Variants in TAP1 observed in about 807,000 individuals in gnomAD.
The protein encoded by TAP1 is transporter 1, ATP binding cassette subfamily B member.
A neutral mutation model predicts 79.3 loss-of-function variants in TAP1; 56 were observed. The ratio of observed to expected loss-of-function variants is 0.71; its 90% CI spans 0.57 to 0.88. The LOEUF is 0.88. TAP1 is among the 40% of genes least tolerant of loss of function. The pLI, the probability that TAP1 is intolerant of heterozygous loss-of-function variation, is 0.00. For synonymous variants in TAP1, 355 were observed against 401.4 expected, an observed-to-expected ratio of 0.88 and a Z score of 1.38; for missense variants, 737 against 936.3, an observed-to-expected ratio of 0.79 and a Z score of 2.78.
At position 32,845,439 on chromosome 6, in the gene TAP1, A is replaced by C; in HGVS notation, c.*140T>G. The C allele has an allele frequency of 1.3e-6, 1 of 797,336 alleles. No individual in the cohort carries two copies. The highest frequency in any genetic ancestry group is 2.1e-6 in the Non-Finnish European group (1 of 467,636). The allele number at this position is 797,336 out of a possible 1,614,324, so 49.4% of individuals were successfully genotyped here. ...CCAGGAAGTCTGCATTATCACGAGG[A>C]GCTTGGAAAGGAGGTAACACACTCA... On this transcript the variant is annotated 3_prime_UTR_variant, in exon 11 of 11. Transcript: ENST00000354258. The surrounding 1 kb of genome is among the most constrained non-coding windows in gnomAD (Gnocchi z 4.5).
In TAP1 at chr6:32,852,829, C is replaced by T. The variant is rs894849479; in HGVS notation, c.598+210G>A. ...TCCGGCGTGGCCCAAAGAATCAAGACCCGGTCAGCAATGGAGCCCAGAACC... is the reference window on the plus strand; with the variant it reads ...TCCGGCGTGGCCCAAAGAATCAAGATCCGGTCAGCAATGGAGCCCAGAACC... On this transcript the variant is annotated intron_variant, in intron 1 of 10. Transcript: ENST00000354258. The surrounding 1 kb of genome is among the most constrained non-coding windows in gnomAD (Gnocchi z 4.8). 22 of 1,440,814 alleles carry T rather than the reference C, an allele frequency of 1.5e-5. No homozygotes were observed. Among genetic ancestry groups the T allele is most frequent in the Non-Finnish European group, 1.8e-5 (20 of 1,105,586 alleles). 89.3% of individuals were successfully genotyped at this position (1,440,814 alleles called of 1,614,324 possible).
chr6:32,846,951 G>A, intron 10 of TAP1, 117 bp downstream of exon 10: 1 of 1,508,254 alleles, frequency 6.6e-7, no homozygotes, highest in Non-Finnish European at 9.1e-7. Context: ...CTGGATTTGG[G>A]AACTGAGAAC....
chr6:32,853,478 T>G lies in TAP1; in HGVS notation c.159A>C (p.Pro53=). The G allele has an allele frequency of 6.2e-7, 1 of 1,610,168 alleles. No individual in the cohort carries two copies. The highest frequency in any genetic ancestry group is 8.5e-7 in the Non-Finnish European group (1 of 1,178,074). ...GGCCCACCGCCCAGACCCGGAGCAGTGGCAGCGCGGTGGGCACCAGCAGGG... is the reference window on the plus strand; with the variant it reads ...GGCCCACCGCCCAGACCCGGAGCAGGGGCAGCGCGGTGGGCACCAGCAGGG... ...IFSLLVPTAL[P]LLRVWAVGLS... is the part of the protein sequence containing the mutation. Residue 53 remains proline (P), a synonymous_variant, in exon 1 of 11, where the codon CCA becomes CCC. Coordinates refer to ENST00000354258, the MANE Select transcript of TAP1 (RefSeq NM_000593.6). This position sits in a 1 kb window ranked among gnomAD's most constrained non-coding sequence, Gnocchi z 8.3.
In TAP1 at chr6:32,850,982, G is replaced by A; in HGVS notation, c.1012C>T (p.Leu338Phe). ...CCCACCTTCTTGGGCAGAAGGAAAA[G>A]CAGAGGCAGGGTGATCAGGGTGACC... Reference protein sequence around the residue: ...TMVTLITLPLLFLLPKKVGKW... With the variant: ...TMVTLITLPLFFLLPKKVGKW... Residue 338 changes from leucine (L) to phenylalanine (F), a missense_variant, in exon 4 of 11, where the codon CTT becomes TTT. Leu to Phe is a conservative substitution (Grantham distance 22, BLOSUM62 0). This residue lies in a region of TAP1 where 406 missense variants were observed against 477.2 expected (regional missense o/e 0.85). Coordinates refer to ENST00000354258, the MANE Select transcript of TAP1 (RefSeq NM_000593.6). This position sits in a 1 kb window ranked among gnomAD's most constrained non-coding sequence, Gnocchi z 5.5. 1 of 1,613,032 alleles carries A rather than the reference G, an allele frequency of 6.2e-7. No individual in the cohort carries two copies. Among genetic ancestry groups the A allele is most frequent in the South Asian group, 1.1e-5 (1 of 91,082 alleles).
rs2228109 is a variant in TAP1 at position 32,853,049 on chromosome 6, G to C, written c.588C>G (p.Leu196=). Residue 196 remains leucine, a synonymous_variant, in exon 1 of 11, where the codon CTC becomes CTG. Coordinates refer to ENST00000354258, the MANE Select transcript of TAP1 (RefSeq NM_000593.6). The surrounding 1 kb of genome is among the most constrained non-coding windows in gnomAD (Gnocchi z 8.3). The part of the protein sequence containing the change: ...RLSLFLVLVV[L]SSLGEMAIPF... Reference sequence around the variant, plus strand: ...CTGCGTTCCCCTTACCAAGAGAGGAGAGGACCACCAGGACCAGGAACAGCG... The same window carrying C: ...CTGCGTTCCCCTTACCAAGAGAGGACAGGACCACCAGGACCAGGAACAGCG... 1.0e-4 allele frequency: 165 copies of C among 1,612,328 alleles called. No homozygotes were observed. In the African/African-American group the frequency reaches 2.0e-3, roughly 20 times the overall value.
In TAP1 at chr6:32,852,960, C is replaced by T; in HGVS notation, c.598+79G>A. 1.3e-6 allele frequency: 2 copies of T among 1,530,096 alleles called. No homozygotes were observed. The highest frequency in any genetic ancestry group is 2.4e-5 in the South Asian group (2 of 83,452). 94.8% of individuals were successfully genotyped at this position (1,530,096 alleles called of 1,614,324 possible). A position where few individuals can be genotyped will look rare whatever the true frequency, so the allele number is the denominator to read the frequency against. Reference sequence around the variant, plus strand: ...TCCACATTTCCCAGAACCCACGCTACTCTACCTTACTGACAATTACCTTTG... The same window carrying T: ...TCCACATTTCCCAGAACCCACGCTATTCTACCTTACTGACAATTACCTTTG... On this transcript the variant is annotated intron_variant, in intron 1 of 10. Transcript: ENST00000354258. The surrounding 1 kb of genome is among the most constrained non-coding windows in gnomAD (Gnocchi z 4.8).
In TAP1 at chr6:32,851,967, G is replaced by T; in HGVS notation, c.844+142C>A. 9.5e-7 allele frequency: 1 copy of T among 1,053,960 alleles called. No individual in the cohort carries two copies. Among genetic ancestry groups the T allele is most frequent in the East Asian group, 2.5e-5 (1 of 39,592 alleles). The allele number at this position is 1,053,960 out of a possible 1,614,324, so 65.3% of individuals were successfully genotyped here. A position where few individuals can be genotyped will look rare whatever the true frequency, so the allele number is the denominator to read the frequency against. ...AGACAGAGACAGAGAGAGAGAGACA[G>T]GGAGAGGGTATATCAAGAATGAGAA... On this transcript the variant is annotated intron_variant, in intron 3 of 10. Transcript: ENST00000354258. The surrounding 1 kb of genome is among the most constrained non-coding windows in gnomAD (Gnocchi z 4.8).
rs1554246364 is a variant in TAP1 at position 32,851,924 on chromosome 6, T to TGTGTGTGAGAGAGA, written c.844+184_844+185insTCTCTCTCACACAC. 1.6e-4 allele frequency among the ~76,000 whole-genome samples: 23 copies of TGTGTGTGAGAGAGA among 147,436 alleles called. No homozygotes were observed. Among genetic ancestry groups the TGTGTGTGAGAGAGA allele is most frequent in the Non-Finnish European group, 2.2e-4 (15 of 66,856 alleles). ...AAAAACAATTGTGTGTGTGTGTGTG[T>TGTGTGTGAGAGAGA]GAGAGAGAGAGAGAGAGAGACAGAG... On this transcript the variant is annotated intron_variant, in intron 3 of 10. Coordinates refer to ENST00000354258, the MANE Select transcript of TAP1 (RefSeq NM_000593.6). This position sits in a 1 kb window ranked among gnomAD's most constrained non-coding sequence, Gnocchi z 4.8.
chr6:32,852,431 A>G lies in TAP1; in HGVS notation c.670T>C (p.Phe224Leu). Reference sequence around the variant, plus strand: ...GACATGAGAGTTAAGTTTCGAGTGAAGGTATCGGCTGAGCCATCTTGTAGA... The same window carrying G: ...GACATGAGAGTTAAGTTTCGAGTGAGGGTATCGGCTGAGCCATCTTGTAGA... ...WILQDGSADT[F>L]TRNLTLMSIL... Residue 224 changes from phenylalanine to leucine, a missense_variant, in exon 2 of 11, where the codon TTC becomes CTC. Phe to Leu is a conservative substitution (Grantham distance 22). Transcript: ENST00000354258. The surrounding 1 kb of genome is among the most constrained non-coding windows in gnomAD (Gnocchi z 4.8). 6.2e-7 allele frequency: 1 copy of G among 1,613,098 alleles called. No individual in the cohort carries two copies. The highest frequency in any genetic ancestry group is 8.5e-7 in the Non-Finnish European group (1 of 1,180,046).
rs1379636319 is a variant in TAP1, at chr6:32,851,621, CTG to C, written c.845-474_845-473del. 3.9e-5 allele frequency among the ~76,000 whole-genome samples: 6 copies of C among 152,168 alleles called. No individual in the cohort carries two copies. The highest frequency in any genetic ancestry group is 8.8e-5 in the Non-Finnish European group (6 of 68,018). On this transcript the variant is annotated intron_variant, in intron 3 of 10. Transcript: ENST00000354258. The surrounding 1 kb of genome is among the most constrained non-coding windows in gnomAD (Gnocchi z 4.8). The stretch of plus-strand genomic sequence containing the variant: ...GTGCTGCTAGAAAGCATGCCGAAGT[CTG>C]TGGAGCACTCAAGAGACCAGGGTTC...
Position 32,852,304 on chromosome 6 carries a change from T to C in TAP1, c.714-65A>G. The C allele has an allele frequency of 6.2e-7, 1 of 1,612,846 alleles. No homozygotes were observed. The highest frequency in any genetic ancestry group is 8.5e-7 in the Non-Finnish European group (1 of 1,179,944). ...CAGGGAACAGACTGAAGGTCCCAGG[T>C]ATCCCCATATAAGTGCATTTCGGAC... On this transcript the variant is annotated intron_variant, in intron 2 of 10. Coordinates refer to ENST00000354258, the MANE Select transcript of TAP1 (RefSeq NM_000593.6). The surrounding 1 kb of genome is among the most constrained non-coding windows in gnomAD (Gnocchi z 4.8).
At chr6:32,846,688 G>A (rs1372034383) in intron 10 of TAP1, among the ~76,000 whole-genome samples, 2 of 151,880 alleles carry the variant, frequency 1.3e-5, no homozygotes, top group East Asian at 1.9e-4. Context: ...GCATAGTGGT[G>A]TACACCTGTA....
chr6:32,847,484 C>G lies in TAP1; in HGVS notation c.1903+29G>C, dbSNP rs753580861. 1.9e-6 allele frequency: 3 copies of G among 1,612,848 alleles called. No homozygotes were observed. In the South Asian group the frequency reaches 3.3e-5, roughly 18 times the overall value. ...GGGGTTTCAGCAAAGGTAAAGATGG[C>G]TGGGTGGTGAGATGAGTGGAGAGAG... On this transcript the variant is annotated intron_variant, in intron 9 of 10. Coordinates refer to ENST00000354258, the MANE Select transcript of TAP1 (RefSeq NM_000593.6). The surrounding 1 kb of genome is among the most constrained non-coding windows in gnomAD (Gnocchi z 4.7).
chr6:32,850,993 G>A lies in TAP1; in HGVS notation c.1001C>T (p.Thr334Ile). 1 of 1,612,902 alleles carries A rather than the reference G, an allele frequency of 6.2e-7. No individual in the cohort carries two copies. Among genetic ancestry groups the A allele is most frequent in the Non-Finnish European group, 8.5e-7 (1 of 1,179,944 alleles). ...GGGCAGAAGGAAAAGCAGAGGCAGG[G>A]TGATCAGGGTGACCATGGTGAGGGA... is the stretch of plus-strand genomic sequence containing the variant. ...SVSLTMVTLI[T>I]LPLLFLLPKK... The change falls in exon 4 of 11, where the codon ACC becomes ATC. Residue 334 changes from threonine (T) to isoleucine (I), a missense_variant. Thr to Ile is a moderately conservative substitution (Grantham distance 89, BLOSUM62 -1). Coordinates refer to ENST00000354258, the MANE Select transcript of TAP1 (RefSeq NM_000593.6). This position sits in a 1 kb window ranked among gnomAD's most constrained non-coding sequence, Gnocchi z 5.5.
At chr6:32,846,816 T>TA (rs577698177) in intron 10 of TAP1, among the ~76,000 whole-genome samples, 5,066 of 144,200 alleles carry the variant, frequency 0.035, 83 homozygotes, top group African/African-American at 0.049. Context: ...GACACTGTCT[T>TA]AAAAAAAAAA....
chr6:32,848,933 A>G, intron 6 of TAP1, 57 bp downstream of exon 6: 1 of 1,612,702 alleles, frequency 6.2e-7, no homozygotes, highest in Non-Finnish European at 8.5e-7. Context: ...CATCACACAG[A>G]TGGTGCTGGG....
chr6:32,850,952 A>G lies in TAP1; in HGVS notation c.1042T>C (p.Trp348Arg), dbSNP rs1158480065. 4 of 1,612,664 alleles carry G rather than the reference A, an allele frequency of 2.5e-6. No homozygotes were observed. In the East Asian group the frequency reaches 8.9e-5, roughly 36 times the overall value. Residue 348 changes from tryptophan to arginine, a missense_variant, in exon 4 of 11, where the codon TGG (tryptophan) becomes CGG (arginine). Coordinates refer to ENST00000354258, the MANE Select transcript of TAP1 (RefSeq NM_000593.6). The surrounding 1 kb of genome is among the most constrained non-coding windows in gnomAD (Gnocchi z 5.5). ...LFLLPKKVGK[W>R]YQLLEVQVRE... is the part of the protein sequence containing the mutation. ...CAACTCCATGAACATACCTGGTACC[A>G]TTTTCCCACCTTCTTGGGCAGAAGG...
In TAP1 at chr6:32,845,466, G is replaced by T. The variant is rs2127383621; in HGVS notation, c.*113C>A. 8.7e-7 allele frequency: 1 copy of T among 1,150,390 alleles called. No homozygotes were observed. The highest frequency in any genetic ancestry group is 1.3e-6 in the Non-Finnish European group (1 of 778,194). The allele number at this position is 1,150,390 out of a possible 1,614,324, so 71.3% of individuals were successfully genotyped here. ...CTTGGAAAGGAGGTAACACACTCAA[G>T]GCAAATTTCAAGTAACTCATCCTGG... On this transcript the variant is annotated 3_prime_UTR_variant, in exon 11 of 11. Transcript: ENST00000354258. This position sits in a 1 kb window ranked among gnomAD's most constrained non-coding sequence, Gnocchi z 4.5.
Position 32,847,287 on chromosome 6 carries a change from C to A in TAP1, c.1904-83G>T. The A allele has an allele frequency of 6.3e-7, 1 of 1,578,292 alleles. No individual in the cohort carries two copies. The highest frequency in any genetic ancestry group is 1.1e-5 in the South Asian group (1 of 89,298). On this transcript the variant is annotated intron_variant, in intron 9 of 10. Coordinates refer to ENST00000354258, the MANE Select transcript of TAP1 (RefSeq NM_000593.6). The surrounding 1 kb of genome is among the most constrained non-coding windows in gnomAD (Gnocchi z 4.7). The stretch of plus-strand genomic sequence containing the variant: ...ATGCACACAGACACACTCATGCATT[C>A]ACGCACTCACACACACCAAGATCTG...
Sources: gnomAD v4.1 joint callset for allele counts (sites outside exome capture counted in the v4.1 genomes callset) on GRCh38, gnomAD v4.1.1 for gene constraint, gnomAD v4.1.1 regional missense constraint, Gnocchi (gnomAD v3.1) non-coding constraint, MANE v1.5 for transcripts, NCBI Gene and HGNC (gene_info 2026-07-23, HGNC 2026-07-21) for gene names.